KIAA0825: variants seen among roughly 807,000 people sequenced by gnomAD.
The protein encoded by KIAA0825 is uncharacterized protein KIAA0825.
In KIAA0825, 119 loss-of-function variants were observed where a neutral mutation model predicts 147.6. The ratio of observed to expected loss-of-function variants is 0.81; its 90% CI spans 0.69 to 0.94. The LOEUF (loss-of-function observed/expected upper bound fraction) is 0.94. Ranked by LOEUF, KIAA0825 falls within the 40% of genes least tolerant of loss-of-function variation. The pLI is 0.00. For synonymous variants in KIAA0825, 470 were observed against 518.1 expected, an observed-to-expected ratio of 0.91 and a Z score of 1.26; for missense variants, 1,381 against 1,472.7, an observed-to-expected ratio of 0.94 and a Z score of 1.02.
At chr5:94,471,270 A>G (rs2150989404) in intron 9 of KIAA0825, among the ~76,000 whole-genome samples, 196 bp downstream of exon 9, 2 of 151,994 alleles carry the variant, frequency 1.3e-5, no homozygotes, top group Middle Eastern at 6.8e-3. Flanking sequence ...CTATCTTACT[A>G]TCTATGTATC....
At chr5:94,525,749 T>C (rs1206282051) in intron 3 of KIAA0825, among the ~76,000 whole-genome samples, 3 of 151,940 alleles carry the variant, frequency 2.0e-5, no homozygotes, top group Non-Finnish European at 4.4e-5. Flanking sequence ...CCTAAATCTG[T>C]TTCAATGAGG....
At chr5:94,535,562 A>T (rs547031010) in intron 3 of KIAA0825, among the ~76,000 whole-genome samples, 2 of 148,328 alleles carry the variant, frequency 1.3e-5, no homozygotes, top group African/African-American at 5.0e-5. Flanking sequence ...CCATGTATCT[A>T]TTCCTCGGAA....
chr5:94,205,267 T>TTATATATATATATATATATATA, intron 20 of KIAA0825, among the ~76,000 whole-genome samples: 1 of 50,802 alleles, frequency 2.0e-5, no homozygotes, highest in Non-Finnish European at 4.3e-5. Context: ...GACTATTTAA[T>TTATATATATATATATATATATA]CATATATATA....
chr5:94,403,642 A>G lies in KIAA0825; in HGVS notation c.2814T>C (p.Asp938=). The G allele has an allele frequency of 1.3e-6, 2 of 1,551,612 alleles. No homozygotes were observed. Among genetic ancestry groups the G allele is most frequent in the Non-Finnish European group, 8.7e-7 (1 of 1,146,922 alleles). Reference sequence around the variant, plus strand: ...CCTTTGGCATGCTCTCAAGCAAACAATCAGGAACAATGTGCTTGTTTAGGT... The same window carrying G: ...CCTTTGGCATGCTCTCAAGCAAACAGTCAGGAACAATGTGCTTGTTTAGGT... ...ETNLNKHIVP[D]CLLESMPKEW... The change falls in exon 16 of 21, where the codon GAT becomes GAC. Residue 938 remains aspartate, a synonymous_variant. Coordinates refer to ENST00000682413, the MANE Select transcript of KIAA0825 (RefSeq NM_001145678.3).
At chr5:94,453,998 T>C (rs1005846577) in intron 12 of KIAA0825, among the ~76,000 whole-genome samples, 4 of 152,152 alleles carry the variant, frequency 2.6e-5, no homozygotes, top group African/African-American at 9.6e-5. Context: ...AGTTGTAAAA[T>C]ACATAATTAT....
At chr5:94,428,233 G>A (rs1584465466) in intron 14 of KIAA0825, among the ~76,000 whole-genome samples, 1 of 151,044 alleles carries the variant, frequency 6.6e-6, no homozygotes, top group East Asian at 2.0e-4. Flanking sequence ...TTAAGTGGGG[G>A]CATTTAGGCC....
At chr5:94,476,812 A>G (rs1256236082) in intron 7 of KIAA0825, among the ~76,000 whole-genome samples, 1 of 152,096 alleles carries the variant, frequency 6.6e-6, no homozygotes, top group Non-Finnish European at 1.5e-5. Flanking sequence ...TTTTCTCGCT[A>G]TTCGACAATT....
At chr5:94,575,574 G>T (rs1475503569) in intron 2 of KIAA0825, among the ~76,000 whole-genome samples, 1 of 152,172 alleles carries the variant, frequency 6.6e-6, no homozygotes, top group African/African-American at 2.4e-5. Context: ...GCAAAAGGAT[G>T]GTGGATTACA....
chr5:94,433,592 G>A (rs964088352), intron 14 of KIAA0825, among the ~76,000 whole-genome samples: 1 of 152,084 alleles, frequency 6.6e-6, no homozygotes, highest in Non-Finnish European at 1.5e-5. Flanking sequence ...CAGCTGCCTG[G>A]GTCAAATCCT....
intron 13 of KIAA0825, among the ~76,000 whole-genome samples, chr5:94,441,310 A>G (rs1038434728): frequency 3.3e-5 from 5 of 152,118 alleles, no homozygotes; most frequent in Non-Finnish European, 5.9e-5. Flanking sequence ...TGTTTCAACA[A>G]TCTTTCTCCA....
chr5:94,264,532 C>G (rs1331563119), intron 20 of KIAA0825, among the ~76,000 whole-genome samples: 1 of 152,162 alleles, frequency 6.6e-6, no homozygotes, highest in African/African-American at 2.4e-5. Flanking sequence ...TCTTTCAAGC[C>G]TCAGAAACAG....
At chr5:94,315,374 C>T (rs941847664) in intron 20 of KIAA0825, among the ~76,000 whole-genome samples, 1 of 151,584 alleles carries the variant, frequency 6.6e-6, no homozygotes, top group Non-Finnish European at 1.5e-5. Context: ...TAAGAAACCA[C>T]TTCAAGCTGC....
At chr5:94,431,578 G>A (rs1232210925) in intron 14 of KIAA0825, among the ~76,000 whole-genome samples, 5 of 152,058 alleles carry the variant, frequency 3.3e-5, no homozygotes, top group Admixed American at 3.3e-4. Context: ...GATGATCAGG[G>A]ATGACTTCCT....
rs1344099370 is a variant in KIAA0825, at chr5:94,311,720, A to G, written c.3710+72648T>C. 5.9e-5 allele frequency among the ~76,000 whole-genome samples: 9 copies of G among 151,860 alleles called. No individual in the cohort carries two copies. The East Asian group carries it at 1.8e-3, about 30-fold the overall frequency. On this transcript the variant is annotated intron_variant, in intron 20 of 20. Transcript: ENST00000682413. ...AACTATTCACACGAAAAGAAAAAGC[A>G]TGATGCTCTCCTTACGAGCCAATCC... is the stretch of plus-strand genomic sequence containing the variant.
intron 9 of KIAA0825, 65 bp downstream of exon 9, chr5:94,471,401 T>C: frequency 2.1e-6 from 3 of 1,459,126 alleles, no homozygotes; most frequent in South Asian, 2.7e-5. Context: ...ATTTCATTCC[T>C]GTGATATCCA....
intron 20 of KIAA0825, among the ~76,000 whole-genome samples, chr5:94,376,588 CAT>C (rs994924264): frequency 1.3e-5 from 2 of 152,132 alleles, no homozygotes; most frequent in African/African-American, 4.8e-5. Context: ...ATTTTAAATA[CAT>C]GTTAGATAAT....
intron 15 of KIAA0825, among the ~76,000 whole-genome samples, chr5:94,406,148 A>G (rs916479642): frequency 6.6e-6 from 1 of 151,990 alleles, no homozygotes; most frequent in Non-Finnish European, 1.5e-5. Context: ...GATGGTCTCA[A>G]TCTCCTGACC....
chr5:94,200,418 A>T (rs1771561155), intron 20 of KIAA0825, among the ~76,000 whole-genome samples: 1 of 152,074 alleles, frequency 6.6e-6, no homozygotes, highest in South Asian at 2.1e-4. Context: ...CTTTTCGAAG[A>T]TCTGCTCAGA....
intron 20 of KIAA0825, among the ~76,000 whole-genome samples, chr5:94,264,298 T>C (rs1013917743): frequency 1.3e-5 from 2 of 152,232 alleles, no homozygotes; most frequent in African/African-American, 2.4e-5. Flanking sequence ...GTTGGTTCAG[T>C]GGCCAAACTT....
Sources: allele counts gnomAD v4.1 joint callset (sites outside exome capture counted in the v4.1 genomes callset), GRCh38; gene constraint gnomAD v4.1.1; transcripts MANE v1.5; gene names NCBI Gene and HGNC (gene_info 2026-07-23, HGNC 2026-07-21).